Variants in AP5Z1 observed in about 807,000 individuals in gnomAD.
The protein encoded by AP5Z1 is adaptor related protein complex 5 subunit zeta 1, also known as AP-5 complex subunit zeta-1.
AP5Z1 carries 106 observed loss-of-function variants against 83.0 expected under a neutral mutation model. The ratio of observed to expected loss-of-function variants is 1.28; its 90% confidence interval spans 1.09 to 1.50. The LOEUF (loss-of-function observed/expected upper bound fraction) is 1.50, where lower values mean the gene tolerates loss of function less well. AP5Z1 is among the 40% of genes most tolerant of loss of function. The pLI, the probability that AP5Z1 is intolerant of heterozygous loss-of-function variation, is 0.00. For synonymous variants in AP5Z1, 751 were observed against 514.1 expected, an observed-to-expected ratio of 1.46 and a Z score of -6.23; for missense variants, 1,565 against 1,094.2, an observed-to-expected ratio of 1.43 and a Z score of -6.07.
chr7:4,786,200 C>T lies in AP5Z1; in HGVS notation c.1133-50C>T, dbSNP rs369089059. On this transcript the variant is annotated intron_variant, in intron 9 of 16. Transcript: ENST00000649063. Reference sequence around the variant, plus strand: ...GGGCCCCTAACCAGTCACAGAAGCACGGCCAGGGCGAGGTCAAGACGTGTG... The same window carrying T: ...GGGCCCCTAACCAGTCACAGAAGCATGGCCAGGGCGAGGTCAAGACGTGTG... The T allele has an allele frequency of 2.5e-4, 379 of 1,518,702 alleles. 2 individuals carry two copies. The African/African-American group carries it at 2.8e-3, about 11-fold the overall frequency. 94.1% of individuals were successfully genotyped at this position (1,518,702 alleles called of 1,614,324 possible).
intron 10 of AP5Z1, 39 bp downstream of exon 10, chr7:4,786,467 GGTAAGTCCCTGGGGCTCCTCCCCTCTTT>G: frequency 6.2e-7 from 1 of 1,604,412 alleles, no homozygotes; most frequent in Non-Finnish European, 8.5e-7. Flanking sequence ...GCAGGGGCAT[GGTAAGTCCCTGGGGCTCCTCCCCTCTTT>G]CCAGCGGGGT....
rs377356001 is a variant in AP5Z1 at position 4,785,058 on chromosome 7, C to T, written c.931+10C>T. On this transcript the variant is annotated intron_variant, in intron 7 of 16. Coordinates refer to ENST00000649063, the MANE Select transcript of AP5Z1 (RefSeq NM_014855.3). ...GAGCAAAGTAACCGACGTGAGTCCC[C>T]CACCCAGGGCACTGGCCTCCCCAGG... 1.3e-6 allele frequency: 2 copies of T among 1,586,632 alleles called. No homozygotes were observed. The highest frequency in any genetic ancestry group is 1.7e-6 in the Non-Finnish European group (2 of 1,162,750).
chr7:4,783,915 C>A, intron 5 of AP5Z1, 117 bp downstream of exon 5: 1 of 1,138,370 alleles, frequency 8.8e-7, no homozygotes, highest in Non-Finnish European at 1.2e-6. Flanking sequence ...CCAGGACGAG[C>A]CTGCCTCTGC....
intron 4 of AP5Z1, 59 bp downstream of exon 4, chr7:4,783,519 AGG>A: frequency 6.8e-7 from 1 of 1,459,910 alleles, no homozygotes; most frequent in South Asian, 1.1e-5. Context: ...TCCTTCCCTG[AGG>A]GCCCATGGTG....
In AP5Z1 at chr7:4,787,787, C is replaced by A; in HGVS notation, c.1454+11C>A. 1 of 1,522,262 alleles carries A rather than the reference C, an allele frequency of 6.6e-7. No homozygotes were observed. Among genetic ancestry groups the A allele is most frequent in the Non-Finnish European group, 8.8e-7 (1 of 1,135,980 alleles). 94.3% of individuals were successfully genotyped at this position (1,522,262 alleles called of 1,614,324 possible). A position where few individuals can be genotyped will look rare whatever the true frequency, so the allele number is the denominator to read the frequency against. Reference sequence around the variant, plus strand: ...GGACCTGCAGCTCAGGTGGGCCCCTCACCCTCTGCCAGCGCTGCGTCTCCC... The same window carrying A: ...GGACCTGCAGCTCAGGTGGGCCCCTAACCCTCTGCCAGCGCTGCGTCTCCC... On this transcript the variant is annotated intron_variant, in intron 11 of 16. Transcript: ENST00000649063.
chr7:4,780,291 C>T (rs1192413013), intron 1 of AP5Z1, among the ~76,000 whole-genome samples: 1 of 152,202 alleles, frequency 6.6e-6, no homozygotes, highest in African/African-American at 2.4e-5. Flanking sequence ...GCTTACCTTA[C>T]AATATGTCAT....
Position 4,786,275 on chromosome 7 carries a change from AGCCGTCTACCAG to A in AP5Z1, c.1159_1170del (p.Ala387_Gln390del). ...GGGAAGCGGCTGCAGTGGACTCGGA[AGCCGTCTACCAG>A]CACCTGTTCACCAGGATCCCGGTGG... is the stretch of plus-strand genomic sequence containing the variant. On this transcript the variant is annotated inframe_deletion, in exon 10 of 17. Coordinates refer to ENST00000649063, the MANE Select transcript of AP5Z1 (RefSeq NM_014855.3). 1 of 1,611,194 alleles carries A rather than the reference AGCCGTCTACCAG, an allele frequency of 6.2e-7. No homozygotes were observed. The highest frequency in any genetic ancestry group is 8.5e-7 in the Non-Finnish European group (1 of 1,178,204).
rs779278090 is a variant in AP5Z1 at position 4,791,208 on chromosome 7, C to G, written c.2247C>G (p.Thr749=). The stretch of plus-strand genomic sequence containing the variant: ...AGGAGGGCGCGGAAGCCATCCGTAC[C>G]CGGGCCACAGAGCTGCTGACCCTGC... The part of the protein sequence containing the change: ...HSEEGAEAIR[T]RATELLTLLK... The change falls in exon 17 of 17, where the codon ACC becomes ACG. Residue 749 remains threonine (T), a synonymous_variant. Transcript: ENST00000649063. 11 of 1,612,732 alleles carry G rather than the reference C, an allele frequency of 6.8e-6. No homozygotes were observed. In the East Asian group the frequency reaches 2.5e-4, roughly 36 times the overall value.
rs566873635 is a variant in AP5Z1, at chr7:4,791,418, A to T, written c.*33A>T. On this transcript the variant is annotated 3_prime_UTR_variant, in exon 17 of 17. Coordinates refer to ENST00000649063, the MANE Select transcript of AP5Z1 (RefSeq NM_014855.3). ...GTGGCCAGGGACTTCGGTGCAGATT[A>T]AGAGCCTGGGCAGCCAGCTTGCTAC... 3 of 1,571,676 alleles carry T rather than the reference A, an allele frequency of 1.9e-6. No homozygotes were observed. The highest frequency in any genetic ancestry group is 2.3e-5 in the South Asian group (2 of 86,192).
At chr7:4,789,992 TCCCCTCCCCC>T in intron 14 of AP5Z1, 63 bp downstream of exon 14, 1 of 516,478 alleles carries the variant, frequency 1.9e-6, no homozygotes. Flanking sequence ...CCTCCCCCTC[TCCCCTCCCCC>T]CTCCCCTTCA....
chr7:4,783,168 G>T (rs1778740494), intron 3 of AP5Z1, 148 bp from the exon 4 acceptor site: 3 of 1,231,800 alleles, frequency 2.4e-6, no homozygotes, highest in South Asian at 3.3e-5. Context: ...GCCCGGGGTG[G>T]GCCTGCGCGG....
intron 1 of AP5Z1, among the ~76,000 whole-genome samples, chr7:4,776,336 CAGT>C (rs1262682995): frequency 6.6e-6 from 1 of 151,862 alleles, no homozygotes; most frequent in Non-Finnish European, 1.5e-5. Context: ...ACCAACTAAC[CAGT>C]CATGGGGGAA....
rs548854387 is a variant in AP5Z1 at position 4,789,885 on chromosome 7, C to T, written c.1761C>T (p.Ser587=). The part of the protein sequence containing the change: ...NQLALLLLGR[S]DSLYPAPGYA... ...TGGCGCTGCTGCTCCTGGGCAGGAG[C>T]GACTCGCTCTACCCGGCCCCAGGGT... The change falls in exon 14 of 17, where the codon AGC becomes AGT. Residue 587 remains serine (S), a synonymous_variant. Transcript: ENST00000649063. 1.3e-5 allele frequency: 20 copies of T among 1,552,132 alleles called. No homozygotes were observed. The highest frequency in any genetic ancestry group is 2.7e-5 in the African/African-American group (2 of 73,124).
chr7:4,783,269 C>T (rs761814685), intron 3 of AP5Z1, 47 bp from the exon 4 acceptor site: 3 of 1,524,522 alleles, frequency 2.0e-6, no homozygotes, highest in South Asian at 1.2e-5. Flanking sequence ...GGGAGCTGGT[C>T]TCTGGCACAG....
Position 4,790,370 on chromosome 7 carries a change from G to C in AP5Z1, c.1806-89G>C, listed in dbSNP as rs763662739. 3 of 1,593,452 alleles carry C rather than the reference G, an allele frequency of 1.9e-6. No individual in the cohort carries two copies. The Admixed American group carries it at 5.3e-5, about 28-fold the overall frequency. On this transcript the variant is annotated intron_variant, in intron 14 of 16. Transcript: ENST00000649063. ...TGCAGCATACACCTACCACTCAGAC[G>C]CTTCCCGGGTTTCTCCAGGCCCTTG...
chr7:4,786,521 G>C, intron 10 of AP5Z1, 93 bp downstream of exon 10: 1 of 1,438,448 alleles, frequency 7.0e-7, no homozygotes, highest in Non-Finnish European at 9.6e-7. Context: ...GCGAGTCCTG[G>C]CTGAGCATAG....
chr7:4,779,418 CATATAT>C (rs770439712), intron 1 of AP5Z1, among the ~76,000 whole-genome samples: 1 of 142,628 alleles, frequency 7.0e-6, no homozygotes. Context: ...AACATGATAA[CATATAT>C]ATCATATATA....
At chr7:4,780,549 T>G (rs1248747934) in intron 1 of AP5Z1, among the ~76,000 whole-genome samples, 3 of 151,864 alleles carry the variant, frequency 2.0e-5, no homozygotes, top group East Asian at 2.0e-4. Context: ...CAGATCACGA[T>G]GTCAGGAGAT....
In AP5Z1 at chr7:4,781,366, C is replaced by G. The variant is rs1781376761; in HGVS notation, c.179+54C>G. The G allele has an allele frequency of 3.7e-6, 6 of 1,607,600 alleles. No individual in the cohort carries two copies. The South Asian group carries it at 5.5e-5, about 15-fold the overall frequency. On this transcript the variant is annotated intron_variant, in intron 2 of 16. Coordinates refer to ENST00000649063, the MANE Select transcript of AP5Z1 (RefSeq NM_014855.3). ...CCTCACACAGCGGCCCCAGGAGAAC[C>G]CAGCCCACGCCCAGCAGGTCACTGC...
Sources: gnomAD v4.1 joint callset for allele counts (sites outside exome capture counted in the v4.1 genomes callset) on GRCh38, gnomAD v4.1.1 for gene constraint, MANE v1.5 for transcripts, NCBI Gene and HGNC (gene_info 2026-07-23, HGNC 2026-07-21) for gene names.